The following TAOK2 variants were observed in gnomAD, a reference collection of about 807,000 sequenced individuals.
The protein encoded by TAOK2 is serine/threonine-protein kinase TAO2.
Under a neutral mutation model 122.5 loss-of-function variants are expected in TAOK2, and 42 were observed. The observed-to-expected ratio is 0.34, with a 90% CI of 0.27 to 0.44. TAOK2 has a LOEUF of 0.44. Among genes scored for constraint, TAOK2 ranks in the 20% least tolerant of loss-of-function variants. The pLI is 1.00. For synonymous variants in TAOK2, 704 were observed against 677.6 expected, an observed-to-expected ratio of 1.04 and a Z score of -0.61; for missense variants, 1,264 against 1,644.9, an observed-to-expected ratio of 0.77 and a Z score of 4.01.
chr16:29,977,789 G>A lies in TAOK2; in HGVS notation c.17G>A (p.Arg6Gln), dbSNP rs1242272222. 1.9e-6 allele frequency: 3 copies of A among 1,614,126 alleles called. No individual in the cohort carries two copies. Among genetic ancestry groups the A allele is most frequent in the South Asian group, 1.1e-5 (1 of 91,084 alleles). Residue 6 changes from arginine (R) to glutamine (Q), a missense_variant, in exon 2 of 16, where the codon CGG (arginine) becomes CAG (glutamine). Physicochemically the swap from Arg to Gln is conservative, Grantham distance 43 (BLOSUM62 1). This residue lies in a region of TAOK2 where 254 missense variants were observed against 503.8 expected (regional missense o/e 0.50). Transcript: ENST00000308893. MPAGG[R>Q]AGSLKDPDVA... is the part of the protein sequence containing the mutation. ...GGGGCCACCATGCCAGCTGGGGGCC[G>A]GGCCGGGAGCCTGAAGGACCCAGAT...
In TAOK2 at chr16:29,987,893, C is replaced by T. The variant is rs539726941; in HGVS notation, c.3621C>T (p.Pro1207=). Residue 1207 remains proline (P), a synonymous_variant, in exon 16 of 16, where the codon CCC becomes CCT. Coordinates refer to ENST00000308893, the MANE Select transcript of TAOK2 (RefSeq NM_016151.4). ...CACGCAGCCAGCGCCAGCTAGGGCC[C>T]CCTGCCTCCCGCCAGCCACTGCCAG... The part of the protein sequence containing the change: ...LLPRSQRQLG[P]PASRQPLPGT... 3.9e-5 allele frequency: 62 copies of T among 1,594,712 alleles called. No individual in the cohort carries two copies. The Admixed American group carries it at 8.6e-4, about 22-fold the overall frequency.
downstream of TAOK2, chr16:29,989,049 T>G: frequency 1.0e-6 from 1 of 985,430 alleles, no homozygotes; most frequent in African/African-American, 1.7e-5. Context: ...CCTCCTTCCC[T>G]GCCTTCCTCC....
At chr16:29,991,245 T>G, downstream of TAOK2, 1 of 1,611,906 alleles carries the variant, frequency 6.2e-7, no homozygotes, top group Non-Finnish European at 8.5e-7. This position sits in a 1 kb window ranked among gnomAD's most constrained non-coding sequence, Gnocchi z 5.6. Flanking sequence ...AGCCTGGCCC[T>G]CCCGTCCCGT....
chr16:29,986,619 G>A lies in TAOK2; in HGVS notation c.2347G>A (p.Val783Ile), dbSNP rs758689808. The change falls in exon 16 of 16, where the codon GTC becomes ATC. Residue 783 changes from valine to isoleucine, a missense_variant. Val to Ile is a conservative substitution (Grantham distance 29). Transcript: ENST00000308893. The surrounding 1 kb of genome is among the most constrained non-coding windows in gnomAD (Gnocchi z 4.2). The part of the protein sequence containing the change: ...QQPCSPGQEA[V>I]LDQRMLGEEE... ...GCCCTGCTCACCTGGCCAGGAGGCAGTCCTGGACCAAAGAATGCTTGGCGA... is the reference window on the plus strand; with the variant it reads ...GCCCTGCTCACCTGGCCAGGAGGCAATCCTGGACCAAAGAATGCTTGGCGA... 6.2e-6 allele frequency: 10 copies of A among 1,612,298 alleles called. No homozygotes were observed. Among genetic ancestry groups the A allele is most frequent in the Admixed American group, 1.7e-5 (1 of 59,568 alleles).
chr16:29,985,453 C>T lies in TAOK2; in HGVS notation c.1663C>T (p.Arg555Ter). The T allele has an allele frequency of 1.9e-6, 3 of 1,611,584 alleles. No homozygotes were observed. The highest frequency in any genetic ancestry group is 1.7e-6 in the Non-Finnish European group (2 of 1,178,984). ...RHQAIGEKEARAAQAEERKFQ... is the reference protein window; with the variant it reads ...RHQAIGEKEA ...CCAGGCCATAGGTGAGAAGGAGGCACGAGCTGCCCAGGCCGAGGAGCGGAA... is the reference window on the plus strand; with the variant it reads ...CCAGGCCATAGGTGAGAAGGAGGCATGAGCTGCCCAGGCCGAGGAGCGGAA... Residue 555 changes from arginine to a stop codon, truncating the protein, a stop_gained, in exon 14 of 16, where the codon CGA becomes TGA. Coordinates refer to ENST00000308893, the MANE Select transcript of TAOK2 (RefSeq NM_016151.4). LOFTEE classifies it high-confidence loss of function. This position sits in a 1 kb window ranked among gnomAD's most constrained non-coding sequence, Gnocchi z 6.9.
chr16:29,991,649 C>A, downstream of TAOK2: 1 of 1,393,612 alleles, frequency 7.2e-7, no homozygotes, highest in Non-Finnish European at 9.4e-7. The surrounding 1 kb of genome is among the most constrained non-coding windows in gnomAD (Gnocchi z 5.6). Context: ...AGCTGGAGGC[C>A]CCTGCAAGGG....
downstream of TAOK2, chr16:29,989,982 T>C (rs1347068290): frequency 1.6e-6 from 1 of 638,884 alleles, no homozygotes; most frequent in Non-Finnish European, 2.6e-6. Flanking sequence ...CCTCAGTGGT[T>C]TTATTCTTTC....
chr16:29,979,317 G>A lies in TAOK2; in HGVS notation c.563+9G>A, dbSNP rs1447919600. ...GTGGGCACCCCATACTGGTGAGTGA[G>A]TGAGTGGTGGTGAGTGGAGAGACCT... On this transcript the variant is annotated intron_variant, in intron 7 of 15. Transcript: ENST00000308893. The surrounding 1 kb of genome is among the most constrained non-coding windows in gnomAD (Gnocchi z 4.1). 1.2e-6 allele frequency: 2 copies of A among 1,613,622 alleles called. No individual in the cohort carries two copies. The highest frequency in any genetic ancestry group is 1.7e-6 in the Non-Finnish European group (2 of 1,179,664).
chr16:29,985,143 G>A lies in TAOK2; in HGVS notation c.1423-70G>A, dbSNP rs1005354900. 11 of 1,437,614 alleles carry A rather than the reference G, an allele frequency of 7.7e-6. No homozygotes were observed. The highest frequency in any genetic ancestry group is 1.7e-5 in the South Asian group (1 of 57,470). The allele number at this position is 1,437,614 out of a possible 1,614,324, so 89.1% of individuals were successfully genotyped here. A position where few individuals can be genotyped will look rare whatever the true frequency, so the allele number is the denominator to read the frequency against. Reference sequence around the variant, plus strand: ...GTTGAAAACCCATGCTCTTCCCCACGGAAGACCCCTTGTGTTAATTAACTA... The same window carrying A: ...GTTGAAAACCCATGCTCTTCCCCACAGAAGACCCCTTGTGTTAATTAACTA... On this transcript the variant is annotated intron_variant, in intron 13 of 15. Transcript: ENST00000308893. This position sits in a 1 kb window ranked among gnomAD's most constrained non-coding sequence, Gnocchi z 6.9.
intron 9 of TAOK2, 30 bp downstream of exon 9, chr16:29,981,784 A>C: frequency 6.2e-7 from 1 of 1,613,228 alleles, no homozygotes; most frequent in Non-Finnish European, 8.5e-7. Context: ...ATCTGGGCCC[A>C]GGCGTTAGGC....
chr16:29,990,105 C>T (rs565230990), downstream of TAOK2: 34 of 342,178 alleles, frequency 9.9e-5, no homozygotes, highest in African/African-American at 6.3e-4. Flanking sequence ...AATGGGTAAA[C>T]AGGGTGCAGA....
intron 1 of TAOK2, among the ~76,000 whole-genome samples, chr16:29,975,672 T>C (rs904060647): frequency 6.6e-6 from 1 of 152,206 alleles, no homozygotes; most frequent in Admixed American, 6.5e-5. Flanking sequence ...GAGAGGGCTC[T>C]CTCCTGACAA....
In TAOK2 at chr16:29,988,168, CTG is replaced by C. The variant is rs759755202; in HGVS notation, c.*192_*193del. The C allele has an allele frequency of 6.3e-6, 9 of 1,432,592 alleles. No individual in the cohort carries two copies. In the South Asian group the frequency reaches 9.0e-5, roughly 14 times the overall value. The allele number at this position is 1,432,592 out of a possible 1,614,324, so 88.7% of individuals were successfully genotyped here. ...TCAGCTGTGGAGTCCAGCAGTCACT[CTG>C]TGTTCTCCTGGCGCTCCTCCCCTAA... On this transcript the variant is annotated 3_prime_UTR_variant, in exon 16 of 16. Coordinates refer to ENST00000308893, the MANE Select transcript of TAOK2 (RefSeq NM_016151.4).
At chr16:29,978,197 G>C (rs1296209644) in intron 3 of TAOK2, 37 bp downstream of exon 3, 14 of 1,613,322 alleles carry the variant, frequency 8.7e-6, no homozygotes, top group Non-Finnish European at 1.2e-5. Flanking sequence ...TGGGGACAGG[G>C]GACTCCTGTC....
At chr16:29,978,036 C>A (rs1310866501) in intron 2 of TAOK2, 53 bp from the exon 3 acceptor site, 1 of 1,612,650 alleles carries the variant, frequency 6.2e-7, no homozygotes, top group African/African-American at 1.3e-5. Context: ...AGCAAGTCTT[C>A]CCATGCCCGG....
At chr16:29,982,951 C>G in intron 11 of TAOK2, 50 bp downstream of exon 11, 1 of 1,607,374 alleles carries the variant, frequency 6.2e-7, no homozygotes, top group Non-Finnish European at 8.5e-7. Context: ...GTGTGCCTGC[C>G]CCCTGCAGTT....
At position 29,978,213 on chromosome 16, in the gene TAOK2, A is replaced by G. The variant is rs546353888; in HGVS notation, c.205-39A>G. The G allele has an allele frequency of 3.1e-6, 5 of 1,613,986 alleles. No individual in the cohort carries two copies. In the South Asian group the frequency reaches 5.5e-5, roughly 18 times the overall value. ...GGGGACAGGGGACTCCTGTCTCAAG[A>G]TGCAAGCTGGGTAACCTCTGCCTAC... On this transcript the variant is annotated intron_variant, in intron 3 of 15. Transcript: ENST00000308893.
Position 29,979,426 on chromosome 16 carries a change from C to G in TAOK2, c.573C>G (p.Pro191=), listed in dbSNP as rs372951562. ...CTGACCATTCTCCTAGGATGGCACC[C>G]GAGGTGATCCTGGCCATGGATGAGG... ...SFVGTPYWMA[P]EVILAMDEGQ... Residue 191 remains proline (P), a synonymous_variant, in exon 8 of 16, where the codon CCC becomes CCG. Transcript: ENST00000308893. This position sits in a 1 kb window ranked among gnomAD's most constrained non-coding sequence, Gnocchi z 4.1. 6.3e-7 allele frequency: 1 copy of G among 1,587,352 alleles called. No homozygotes were observed. The highest frequency in any genetic ancestry group is 8.6e-7 in the Non-Finnish European group (1 of 1,164,698).
At position 29,987,469 on chromosome 16, in the gene TAOK2, G is replaced by T; in HGVS notation, c.3197G>T (p.Gly1066Val). The T allele has an allele frequency of 6.3e-7, 1 of 1,591,076 alleles. No individual in the cohort carries two copies. The highest frequency in any genetic ancestry group is 8.6e-7 in the Non-Finnish European group (1 of 1,167,212). Residue 1066 changes from glycine (G) to valine (V), a missense_variant, in exon 16 of 16, where the codon GGG (glycine) becomes GTG (valine). By Grantham distance (109) the Gly-to-Val change is moderately radical. Around this residue, in one of 4 missense-constraint regions of TAOK2, gnomAD observed 824 missense variants for 908.7 expected, o/e 0.91. Transcript: ENST00000308893. Reference protein sequence around the residue: ...LALPLVAMAAGGRWVRQQGPR... With the variant: ...LALPLVAMAAVGRWVRQQGPR... ...CTACCTCTGGTGGCTATGGCAGCGG[G>T]GGGCAGATGGGTGCGGCAGCAGGGC...
Sources: gnomAD v4.1 joint callset for allele counts (sites outside exome capture counted in the v4.1 genomes callset) on GRCh38, gnomAD v4.1.1 for gene constraint, gnomAD v4.1.1 regional missense constraint, Gnocchi (gnomAD v3.1) non-coding constraint, MANE v1.5 for transcripts, NCBI Gene and HGNC (gene_info 2026-07-23, HGNC 2026-07-21) for gene names.